RABGAP1L: variants seen among roughly 807,000 people sequenced by gnomAD.
RABGAP1L encodes RAB GTPase activating protein 1 like.
In RABGAP1L, 63 loss-of-function variants were observed where a neutral mutation model predicts 137.7. That is an observed-to-expected ratio of 0.46 (90% CI 0.37 to 0.56). The LOEUF is 0.56. RABGAP1L is among the 20% of genes least tolerant of loss of function. The pLI is 0.00. For missense variants in RABGAP1L, 1,095 were observed against 1,244.0 expected (o/e 0.88, Z 1.80); for synonymous variants, 431 against 433.7 (o/e 0.99, Z 0.08).
chr1:174,333,488 T>C (rs1681213004), intron 11 of RABGAP1L, among the ~76,000 whole-genome samples: 1 of 152,216 alleles, frequency 6.6e-6, no homozygotes, highest in South Asian at 2.1e-4. Flanking sequence ...ATGCGTTTAA[T>C]GCAGAGTGGC....
intron 13 of RABGAP1L, among the ~76,000 whole-genome samples, chr1:174,426,094 A>T (rs1651921673): frequency 6.6e-6 from 1 of 152,076 alleles, no homozygotes; most frequent in Admixed American, 6.5e-5. Flanking sequence ...TGCCTATTTA[A>T]TACCTTTACA....
At chr1:174,209,093 T>C (rs1668693261) in intron 1 of RABGAP1L, among the ~76,000 whole-genome samples, 1 of 152,174 alleles carries the variant, frequency 6.6e-6, no homozygotes, top group South Asian at 2.1e-4. Context: ...CCCTCACATG[T>C]GCAGTACACA....
At chr1:174,776,423 A>G (rs1686530421) in intron 18 of RABGAP1L, among the ~76,000 whole-genome samples, 1 of 152,174 alleles carries the variant, frequency 6.6e-6, no homozygotes, top group South Asian at 2.1e-4. Flanking sequence ...AGAATAGTAC[A>G]TCCTCCTAGG....
rs755955183 is a variant in RABGAP1L at position 174,278,635 on chromosome 1, G to A, written c.1179G>A (p.Val393=). 2 of 1,612,964 alleles carry A rather than the reference G, an allele frequency of 1.2e-6. No homozygotes were observed. The highest frequency in any genetic ancestry group is 1.7e-5 in the Admixed American group (1 of 59,868). Residue 393 remains valine (V), a synonymous_variant, in exon 10 of 26, where the codon GTG becomes GTA. Coordinates refer to ENST00000681986, the MANE Select transcript of RABGAP1L (RefSeq NM_001366446.1). ...TPKDKQVYMT[V]AVDMVVTEVV... ...CAGATAAGCAAGTATACATGACTGT[G>A]GCAGTGGATATGGTAGTCACAGAGG...
chr1:174,295,711 G>T (rs932882317), intron 10 of RABGAP1L, among the ~76,000 whole-genome samples: 4 of 150,982 alleles, frequency 2.6e-5, no homozygotes, highest in Non-Finnish European at 4.4e-5. Context: ...TAGCAGTGGG[G>T]TCTCACTATG....
intron 13 of RABGAP1L, among the ~76,000 whole-genome samples, chr1:174,479,772 A>T (rs74126812): frequency 0.035 from 5,295 of 152,278 alleles, 121 homozygotes; most frequent in Middle Eastern, 0.088. Flanking sequence ...TCCCTAATTA[A>T]CCCTAGAGGA....
chr1:174,890,532 CT>C (rs1337298503), intron 19 of RABGAP1L, among the ~76,000 whole-genome samples: 1 of 152,124 alleles, frequency 6.6e-6, no homozygotes. Flanking sequence ...GATTTTTAAG[CT>C]CTTACAATTT....
chr1:174,785,132 T>C (rs1183976451), intron 18 of RABGAP1L, among the ~76,000 whole-genome samples: 1 of 152,210 alleles, frequency 6.6e-6, no homozygotes, highest in East Asian at 1.9e-4. Context: ...TGGCGCAATC[T>C]CGGCTCACTG....
chr1:174,640,228 G>T (rs1312848987), intron 14 of RABGAP1L, among the ~76,000 whole-genome samples: 2 of 151,956 alleles, frequency 1.3e-5, no homozygotes, highest in African/African-American at 4.8e-5. Flanking sequence ...TTCCCATCTT[G>T]ATTTACTGTT....
intron 13 of RABGAP1L, among the ~76,000 whole-genome samples, chr1:174,426,070 T>A (rs1389198910): frequency 6.6e-6 from 1 of 152,076 alleles, no homozygotes; most frequent in Non-Finnish European, 1.5e-5. Context: ...CTCATAAAGT[T>A]CTGTAGGAAA....
chr1:174,712,941 A>G (rs1204478964), intron 17 of RABGAP1L, among the ~76,000 whole-genome samples: 1 of 152,078 alleles, frequency 6.6e-6, no homozygotes, highest in African/African-American at 2.4e-5. Flanking sequence ...TGGGGATTTT[A>G]TAGACACAAG....
chr1:174,353,320 G>A (rs1683354883), intron 11 of RABGAP1L, among the ~76,000 whole-genome samples: 1 of 152,092 alleles, frequency 6.6e-6, no homozygotes, highest in Admixed American at 6.5e-5. Flanking sequence ...TCCTCAAATT[G>A]GAAGGAGTAT....
At position 174,351,087 on chromosome 1, in the gene RABGAP1L, AG is replaced by A. The variant is rs1307295385; in HGVS notation, c.1466-19887del. Among the ~76,000 whole-genome samples the A allele has an allele frequency of 3.5e-3, 12 of 3,420 alleles. No homozygotes were observed. In the South Asian group the frequency reaches 0.036, roughly 10 times the overall value. The allele number at this position is 3,420 out of a possible 152,430, so 2.2% of individuals were successfully genotyped here. A position where few individuals can be genotyped will look rare whatever the true frequency, so the allele number is the denominator to read the frequency against. On this transcript the variant is annotated intron_variant, in intron 11 of 25. Transcript: ENST00000681986. ...AGACCGTGGGGGGAGGGGGAGGGGG[AG>A]GGGGAGGGGGAGGGGTTGTTTCTAT...
At chr1:174,624,796 C>G (rs567459103) in intron 13 of RABGAP1L, among the ~76,000 whole-genome samples, 6 of 150,958 alleles carry the variant, frequency 4.0e-5, no homozygotes, top group South Asian at 2.1e-4. Context: ...AAATATTTCT[C>G]TAAATAATCT....
intron 19 of RABGAP1L, among the ~76,000 whole-genome samples, chr1:174,923,764 C>T (rs1449536521): frequency 1.3e-5 from 2 of 151,696 alleles, no homozygotes; most frequent in Non-Finnish European, 2.9e-5. Context: ...GCCTGTAATC[C>T]CAGCTACTTG....
At chr1:174,266,221 T>C (rs1674061465) in intron 7 of RABGAP1L, among the ~76,000 whole-genome samples, 1 of 152,336 alleles carries the variant, frequency 6.6e-6, no homozygotes, top group Admixed American at 6.5e-5. Flanking sequence ...ACTTACCTCT[T>C]AAGATTGTGG....
intron 13 of RABGAP1L, among the ~76,000 whole-genome samples, chr1:174,410,554 T>C (rs896979314): frequency 1.3e-5 from 2 of 152,126 alleles, no homozygotes; most frequent in South Asian, 2.1e-4. Flanking sequence ...CAGATGGCTG[T>C]AGGTGTGTGG....
intron 19 of RABGAP1L, among the ~76,000 whole-genome samples, chr1:174,932,013 TTG>T (rs1248702215): frequency 0.011 from 1,593 of 139,714 alleles, 18 homozygotes; most frequent in African/African-American, 0.04. Context: ...TTTTTTTTTT[TTG>T]CCTGTCCAGT....
chr1:174,578,769 G>T (rs1489574384), intron 13 of RABGAP1L, among the ~76,000 whole-genome samples: 1 of 151,938 alleles, frequency 6.6e-6, no homozygotes, highest in African/African-American at 2.4e-5. Flanking sequence ...AATAAACATT[G>T]TATTTTCTAA....
Sources: gnomAD v4.1 joint callset for allele counts (sites outside exome capture counted in the v4.1 genomes callset) on GRCh38, gnomAD v4.1.1 for gene constraint, MANE v1.5 for transcripts, NCBI Gene and HGNC (gene_info 2026-07-23, HGNC 2026-07-21) for gene names.